Variants in HAPLN1 observed in about 807,000 individuals in gnomAD.
The protein encoded by HAPLN1 is Cartilage link protein.
In HAPLN1, 13 loss-of-function variants were observed where a neutral mutation model predicts 36.5. The observed-to-expected ratio is 0.36, with a 90% confidence interval of 0.23 to 0.57. The LOEUF (loss-of-function observed/expected upper bound fraction) is 0.57. HAPLN1 is among the 20% of genes least tolerant of loss of function. The pLI is 0.83. For missense variants in HAPLN1, 407 were observed against 439.7 expected (o/e 0.93, Z 0.66); for synonymous variants, 202 against 169.8 (o/e 1.19, Z -1.48).
chr5:83,701,084 A>G (rs1265168964), intron 1 of HAPLN1, among the ~76,000 whole-genome samples: 3 of 152,216 alleles, frequency 2.0e-5, no homozygotes, highest in Admixed American at 6.5e-5. Context: ...TTATAGTTCC[A>G]AGGCTCAAAG....
intron 1 of HAPLN1, among the ~76,000 whole-genome samples, chr5:83,715,114 G>C (rs189112093): frequency 6.6e-6 from 1 of 152,304 alleles, no homozygotes; most frequent in African/African-American, 2.4e-5. Context: ...AGACCTTGGG[G>C]GATTCAATGA....
At chr5:83,710,824 G>C (rs1159625913) in intron 1 of HAPLN1, among the ~76,000 whole-genome samples, 1 of 151,996 alleles carries the variant, frequency 6.6e-6, no homozygotes, top group Admixed American at 6.6e-5. Context: ...GGTGGCAGGC[G>C]CCTGTAGTCC....
Position 83,698,739 on chromosome 5 carries a change from G to A in HAPLN1, c.-27+22050C>T, listed in dbSNP as rs559665895. The stretch of plus-strand genomic sequence containing the variant: ...TTTTATAATGGATAATGAAACTCAG[G>A]GCTTAAGTAATTTGCACAAGGTGCA... On this transcript the variant is annotated intron_variant, in intron 1 of 4. Coordinates refer to ENST00000274341, the MANE Select transcript of HAPLN1 (RefSeq NM_001884.4). Among the ~76,000 whole-genome samples the A allele has an allele frequency of 1.9e-4, 29 of 152,212 alleles. No homozygotes were observed. The South Asian group carries it at 6.0e-3, about 32-fold the overall frequency.
At chr5:83,715,597 T>A (rs761451163) in intron 1 of HAPLN1, among the ~76,000 whole-genome samples, 2 of 152,216 alleles carry the variant, frequency 1.3e-5, no homozygotes, top group Non-Finnish European at 2.9e-5. Flanking sequence ...TCTTGCTTAA[T>A]CTGAACTTTA....
chr5:83,713,224 G>T (rs899690356), intron 1 of HAPLN1, among the ~76,000 whole-genome samples: 14 of 152,048 alleles, frequency 9.2e-5, no homozygotes, highest in African/African-American at 2.7e-4. Flanking sequence ...CTTACTCAGG[G>T]TTATCATTAT....
intron 1 of HAPLN1, among the ~76,000 whole-genome samples, chr5:83,695,005 G>A (rs1354352503): frequency 2.0e-5 from 3 of 151,838 alleles, no homozygotes; most frequent in Admixed American, 6.6e-5. Context: ...AAACATAAAC[G>A]TAAAAATTTT....
intron 1 of HAPLN1, among the ~76,000 whole-genome samples, chr5:83,705,545 A>T (rs538973763): frequency 5.3e-5 from 8 of 152,304 alleles, no homozygotes; most frequent in African/African-American, 1.7e-4. Flanking sequence ...AAGACATAAC[A>T]TACCAGAATT....
intron 1 of HAPLN1, among the ~76,000 whole-genome samples, chr5:83,709,905 G>A (rs1002851998): frequency 6.6e-6 from 1 of 152,206 alleles, no homozygotes; most frequent in Non-Finnish European, 1.5e-5. Flanking sequence ...CAGGATTTAT[G>A]CTAATGGAGA....
At chr5:83,714,009 A>G (rs2112641178) in intron 1 of HAPLN1, among the ~76,000 whole-genome samples, 1 of 152,326 alleles carries the variant, frequency 6.6e-6, no homozygotes, top group Admixed American at 6.5e-5. Flanking sequence ...GACATAAGGA[A>G]ACAAAAACAG....
intron 1 of HAPLN1, among the ~76,000 whole-genome samples, chr5:83,694,485 A>C (rs62362948): frequency 0.019 from 2,889 of 152,126 alleles, 41 homozygotes; most frequent in Non-Finnish European, 0.031. Context: ...AAAGATCAAT[A>C]TAATTCATAA....
intron 1 of HAPLN1, among the ~76,000 whole-genome samples, chr5:83,691,660 C>A (rs1751276621): frequency 6.6e-6 from 1 of 151,858 alleles, no homozygotes; most frequent in South Asian, 2.1e-4. Flanking sequence ...TAAGTAGTAT[C>A]CAGCCTTAAT....
intron 1 of HAPLN1, among the ~76,000 whole-genome samples, chr5:83,711,282 G>T (rs1033702031): frequency 7.2e-5 from 11 of 152,136 alleles, no homozygotes; most frequent in African/African-American, 2.7e-4. Flanking sequence ...AAGAAATATG[G>T]TAGAACTGCC....
chr5:83,638,964 G>T lies in HAPLN1; in HGVS notation c.*2532C>A, dbSNP rs76809652. The T allele has an allele frequency of 1.2e-3, 190 of 152,104 alleles. No individual in the cohort carries two copies. Among genetic ancestry groups the T allele is most frequent in the African/African-American group, 4.5e-3 (186 of 41,546 alleles). The allele number at this position is 152,104 out of a possible 1,614,324, so 9.4% of individuals were successfully genotyped here. On this transcript the variant is annotated 3_prime_UTR_variant, in exon 5 of 5. Transcript: ENST00000274341. ...TATGGACAAATACATTAAAACAAGGGTTCCTGGCCCAGCCTCCCATCTAAT... is the reference window on the plus strand; with the variant it reads ...TATGGACAAATACATTAAAACAAGGTTTCCTGGCCCAGCCTCCCATCTAAT...
intron 1 of HAPLN1, among the ~76,000 whole-genome samples, chr5:83,702,759 A>T (rs1392694725): frequency 1.4e-5 from 2 of 146,404 alleles, no homozygotes; most frequent in Non-Finnish European, 3.0e-5. Flanking sequence ...TTTTTTTTTG[A>T]GACAGTCTCG....
chr5:83,702,722 C>CT (rs1043624274), intron 1 of HAPLN1, among the ~76,000 whole-genome samples: 12 of 137,252 alleles, frequency 8.7e-5, no homozygotes, highest in Admixed American at 6.3e-4. Context: ...AATATGCCCT[C>CT]TTTTTTTTTC....
intron 1 of HAPLN1, among the ~76,000 whole-genome samples, chr5:83,687,105 A>G (rs902704357): frequency 3.0e-4 from 46 of 152,328 alleles, no homozygotes; most frequent in African/African-American, 1.1e-3. Context: ...AGCAAGTGGT[A>G]TTTATAAAGC....
At chr5:83,665,391 C>T (rs2112586638) in intron 2 of HAPLN1, among the ~76,000 whole-genome samples, 1 of 152,290 alleles carries the variant, frequency 6.6e-6, no homozygotes, top group Non-Finnish European at 1.5e-5. Context: ...TTTCTCTACC[C>T]TTCAGTAACT....
intron 1 of HAPLN1, among the ~76,000 whole-genome samples, chr5:83,688,142 C>T (rs1438621282): frequency 1.3e-5 from 2 of 152,194 alleles, no homozygotes; most frequent in African/African-American, 2.4e-5. Flanking sequence ...CCTTCCTGAT[C>T]CTCTCCCATT....
At chr5:83,665,927 A>G (rs1011109136) in intron 2 of HAPLN1, among the ~76,000 whole-genome samples, 2 of 152,234 alleles carry the variant, frequency 1.3e-5, no homozygotes, top group Admixed American at 1.3e-4. Context: ...TGACTACTTG[A>G]TAATCATTCT....
Sources: allele counts gnomAD v4.1 joint callset (sites outside exome capture counted in the v4.1 genomes callset), GRCh38; gene constraint gnomAD v4.1.1; transcripts MANE v1.5; gene names NCBI Gene and HGNC (gene_info 2026-07-23, HGNC 2026-07-21).